Variants in TIGIT observed in about 807,000 individuals in gnomAD.
The protein encoded by TIGIT is T cell immunoreceptor with Ig and ITIM domains.
TIGIT carries 11 observed loss-of-function variants against 19.6 expected under a neutral mutation model. The observed-to-expected ratio is 0.56, with a 90% CI of 0.35 to 0.93. The LOEUF is 0.93. Ranked by LOEUF, TIGIT falls within the 40% of genes least tolerant of loss-of-function variation. TIGIT has a pLI of 0.01. For missense variants in TIGIT, 295 were observed against 303.9 expected, an observed-to-expected ratio of 0.97 and a Z score of 0.22; for synonymous variants, 130 against 125.5, an observed-to-expected ratio of 1.04 and a Z score of -0.24.
At chr3:114,298,756 T>C (rs563377313) in intron 2 of TIGIT, among the ~76,000 whole-genome samples, 81 of 152,298 alleles carry the variant, frequency 5.3e-4, no homozygotes, top group Non-Finnish European at 7.9e-4. Flanking sequence ...ACCCAGACCC[T>C]TAGGTAGAGG....
intron 2 of TIGIT, among the ~76,000 whole-genome samples, chr3:114,296,281 C>T (rs969500404): frequency 3.6e-4 from 55 of 152,202 alleles, no homozygotes; most frequent in Non-Finnish European, 4.4e-5. Context: ...AAAAACATAG[C>T]CTGTGCTAAG....
intron 2 of TIGIT, among the ~76,000 whole-genome samples, chr3:114,296,618 T>C (rs1056825693): frequency 6.6e-6 from 1 of 152,242 alleles, no homozygotes; most frequent in African/African-American, 2.4e-5. Flanking sequence ...GAAAATGGTC[T>C]TAGAACAATG....
Position 114,299,746 on chromosome 3 carries a change from G to A in TIGIT, c.498+43G>A, listed in dbSNP as rs201631374. On this transcript the variant is annotated intron_variant, in intron 3 of 3. Transcript: ENST00000383671. Reference sequence around the variant, plus strand: ...ACACCGCAGTCATGGGCACCCCCACGTCTGGCACCCGGGTCCTTTCAGGTT... The same window carrying A: ...ACACCGCAGTCATGGGCACCCCCACATCTGGCACCCGGGTCCTTTCAGGTT... 1.7e-5 allele frequency: 23 copies of A among 1,353,316 alleles called. No individual in the cohort carries two copies. The East Asian group carries it at 4.2e-4, about 25-fold the overall frequency. The allele number at this position is 1,353,316 out of a possible 1,614,324, so 83.8% of individuals were successfully genotyped here. A position where few individuals can be genotyped will look rare whatever the true frequency, so the allele number is the denominator to read the frequency against.
chr3:114,307,497 G>T (rs2078543335), intron 3 of TIGIT: 1 of 195,150 alleles, frequency 5.1e-6, no homozygotes, highest in Non-Finnish European at 1.1e-5. Flanking sequence ...GAAGACGAAG[G>T]TGGGGGTTCA....
In TIGIT at chr3:114,295,750, C is replaced by T. The variant is rs371841360; in HGVS notation, c.267C>T (p.Pro89=). The T allele has an allele frequency of 4.6e-5, 75 of 1,614,044 alleles. No homozygotes were observed. Among genetic ancestry groups the T allele is most frequent in the Non-Finnish European group, 5.8e-5 (68 of 1,180,032 alleles). The change falls in exon 2 of 4, where the codon CCC becomes CCT. Residue 89 remains proline, a synonymous_variant. Transcript: ENST00000383671. ...PSFKDRVAPG[P]GLGLTLQSLT... is the part of the protein sequence containing the mutation. ...TCAAGGATCGAGTGGCCCCAGGTCCCGGCCTGGGCCTCACCCTCCAGTCGC... is the reference window on the plus strand; with the variant it reads ...TCAAGGATCGAGTGGCCCCAGGTCCTGGCCTGGGCCTCACCCTCCAGTCGC...
chr3:114,301,527 G>T (rs1282198940), intron 3 of TIGIT, among the ~76,000 whole-genome samples: 1 of 152,208 alleles, frequency 6.6e-6, no homozygotes, highest in East Asian at 1.9e-4. Flanking sequence ...ATGGTGGTTG[G>T]TGAACAGGTT....
intron 2 of TIGIT, among the ~76,000 whole-genome samples, chr3:114,296,664 A>G (rs976169042): frequency 2.0e-5 from 3 of 152,232 alleles, no homozygotes; most frequent in Non-Finnish European, 4.4e-5. Context: ...AGTGTTAACT[A>G]TTAGTATGAT....
chr3:114,303,302 T>TAGTCCATA (rs1219725658), intron 3 of TIGIT, among the ~76,000 whole-genome samples: 3 of 151,896 alleles, frequency 2.0e-5, no homozygotes, highest in African/African-American at 7.3e-5. Flanking sequence ...CAAAGTCCAT[T>TAGTCCATA]AGTCCCTTGT....
Position 114,295,823 on chromosome 3 carries a change from C to A in TIGIT, c.340C>A (p.Pro114Thr), listed in dbSNP as rs559114697. 1.2e-6 allele frequency: 2 copies of A among 1,613,582 alleles called. No homozygotes were observed. Among genetic ancestry groups the A allele is most frequent in the African/African-American group, 1.3e-5 (1 of 75,012 alleles). The change falls in exon 2 of 4, where the codon CCT becomes ACT. Residue 114 changes from proline to threonine, a missense_variant. Coordinates refer to ENST00000383671, the MANE Select transcript of TIGIT (RefSeq NM_173799.4). ...GEYFCIYHTYPDGTYTGRIFL... is the reference protein window; with the variant it reads ...GEYFCIYHTYTDGTYTGRIFL... ...GTACTTCTGCATCTATCACACCTAC[C>A]CTGATGGGACGTACACTGGGAGAAT... is the stretch of plus-strand genomic sequence containing the variant.
At chr3:114,301,902 T>C (rs6781026) in intron 3 of TIGIT, among the ~76,000 whole-genome samples, 141,380 of 152,222 alleles carry the variant, frequency 0.93, 66,434 homozygotes, top group East Asian at 1. Context: ...GCAGGGAACA[T>C]GTAGTACTCA....
At chr3:114,306,104 A>T (rs1180466160) in intron 3 of TIGIT, among the ~76,000 whole-genome samples, 1 of 152,080 alleles carries the variant, frequency 6.6e-6, no homozygotes, top group Non-Finnish European at 1.5e-5. Context: ...GGTCAGGAGC[A>T]CTGGTTTAAG....
rs949604062 is a variant in TIGIT, at chr3:114,309,428, G to A, written c.*1297G>A. On this transcript the variant is annotated 3_prime_UTR_variant, in exon 4 of 4. Transcript: ENST00000383671. ...GACTGATTTTCTTTCATGGGCCAAG[G>A]AACTGAAAGAGAATGTGAAGCAAGG... 18 of 152,188 alleles carry A rather than the reference G, an allele frequency of 1.2e-4. No homozygotes were observed. The highest frequency in any genetic ancestry group is 1.0e-3 in the Admixed American group (16 of 15,282). 9.4% of individuals were successfully genotyped at this position (152,188 alleles called of 1,614,324 possible). A position where few individuals can be genotyped will look rare whatever the true frequency, so the allele number is the denominator to read the frequency against.
At chr3:114,300,022 G>C (rs577433281) in intron 3 of TIGIT, among the ~76,000 whole-genome samples, 42 of 152,166 alleles carry the variant, frequency 2.8e-4, no homozygotes, top group African/African-American at 9.9e-4. Context: ...TTGATGCATC[G>C]TGGGCATCTA....
At chr3:114,304,537 A>G (rs570558441) in intron 3 of TIGIT, among the ~76,000 whole-genome samples, 65 of 152,262 alleles carry the variant, frequency 4.3e-4, no homozygotes, top group African/African-American at 1.4e-3. Flanking sequence ...ATCCAGGCTT[A>G]TGTTCTACCC....
chr3:114,294,600 G>A (rs1234205152), intron 1 of TIGIT, among the ~76,000 whole-genome samples: 2 of 152,188 alleles, frequency 1.3e-5, no homozygotes, highest in African/African-American at 4.8e-5. Flanking sequence ...TTAAAAATCA[G>A]AGTCAAATAT....
At chr3:114,295,169 T>A in intron 1 of TIGIT, 1 of 221,462 alleles carries the variant, frequency 4.5e-6, no homozygotes, top group Non-Finnish European at 9.1e-6. Context: ...GGGGAGGGAG[T>A]GCAGCCTTGA....
Position 114,307,934 on chromosome 3 carries a change from A to T in TIGIT, c.538A>T (p.Arg180Trp). 1 of 1,614,224 alleles carries T rather than the reference A, an allele frequency of 6.2e-7. No individual in the cohort carries two copies. The highest frequency in any genetic ancestry group is 8.5e-7 in the Non-Finnish European group (1 of 1,180,040). ...LRIHSVEGDLRRKSAGQEEWS... is the reference protein window; with the variant it reads ...LRIHSVEGDLWRKSAGQEEWS... ...AATCCATTCTGTGGAAGGTGACCTC[A>T]GGAGAAAATCAGCTGGACAGGAGGA... The change falls in exon 4 of 4, where the codon AGG becomes TGG. Residue 180 changes from arginine to tryptophan, a missense_variant. By Grantham distance (101) the Arg-to-Trp change is moderately radical. Coordinates refer to ENST00000383671, the MANE Select transcript of TIGIT (RefSeq NM_173799.4).
chr3:114,298,506 G>A (rs1366293359), intron 2 of TIGIT, among the ~76,000 whole-genome samples: 1 of 152,110 alleles, frequency 6.6e-6, no homozygotes, highest in African/African-American at 2.4e-5. Context: ...ATCCTTTCCT[G>A]GTTTTATGGA....
chr3:114,297,028 C>T (rs1440303961), intron 2 of TIGIT, among the ~76,000 whole-genome samples: 2 of 151,424 alleles, frequency 1.3e-5, no homozygotes, highest in African/African-American at 2.4e-5. Context: ...TCCTGAGTAT[C>T]TGGGATTACA....
Sources: allele counts gnomAD v4.1 joint callset (sites outside exome capture counted in the v4.1 genomes callset), GRCh38; gene constraint gnomAD v4.1.1; transcripts MANE v1.5; gene names NCBI Gene and HGNC (gene_info 2026-07-23, HGNC 2026-07-21).